Variants in EPS15 observed in about 807,000 individuals in gnomAD.
EPS15 encodes the protein epidermal growth factor receptor substrate 15.
In EPS15, 72 loss-of-function variants were observed where a neutral mutation model predicts 113.8. That is an observed-to-expected ratio of 0.63 (90% CI 0.52 to 0.77). The LOEUF (loss-of-function observed/expected upper bound fraction) is 0.77, where lower values mean the gene tolerates loss of function less well. Among genes scored for constraint, EPS15 ranks in the 30% least tolerant of loss-of-function variants. EPS15 has a pLI of 0.00. For synonymous variants in EPS15, 344 were observed against 363.4 expected, an observed-to-expected ratio of 0.95 and a Z score of 0.61; for missense variants, 1,048 against 1,045.8, an observed-to-expected ratio of 1.00 and a Z score of -0.03.
chr1:51,404,173 C>T (rs1648868666), intron 16 of EPS15, among the ~76,000 whole-genome samples: 6 of 152,134 alleles, frequency 3.9e-5, no homozygotes, highest in Admixed American at 6.5e-5. Context: ...GGTGAAACCC[C>T]GTCTCTACTA....
At chr1:51,395,144 G>C (rs918445013) in intron 20 of EPS15, among the ~76,000 whole-genome samples, 9 of 152,156 alleles carry the variant, frequency 5.9e-5, no homozygotes, top group African/African-American at 2.2e-4. Context: ...TTAGGTGGCA[G>C]CCACCACTAA....
At chr1:51,504,532 C>CTAGAA (rs200479561) in intron 1 of EPS15, among the ~76,000 whole-genome samples, 1,705 of 152,202 alleles carry the variant, frequency 0.011, 33 homozygotes, top group African/African-American at 0.038. Flanking sequence ...GGACTTCTAT[C>CTAGAA]TAGAATACAT....
At chr1:51,451,058 G>A (rs1653503398) in intron 8 of EPS15, among the ~76,000 whole-genome samples, 1 of 151,800 alleles carries the variant, frequency 6.6e-6, no homozygotes, top group African/African-American at 2.4e-5. Context: ...AAGAATCATG[G>A]AGCTCTCATA....
At chr1:51,503,380 A>G (rs1201365199) in intron 1 of EPS15, among the ~76,000 whole-genome samples, 1 of 152,232 alleles carries the variant, frequency 6.6e-6, no homozygotes, top group East Asian at 1.9e-4. Flanking sequence ...TCATGCCTGT[A>G]ATCCCAGCAC....
intron 13 of EPS15, among the ~76,000 whole-genome samples, chr1:51,413,032 A>C (rs576717965): frequency 3.9e-5 from 6 of 152,222 alleles, no homozygotes; most frequent in African/African-American, 1.4e-4. Context: ...ACACATTAAA[A>C]CCTTCAGTTC....
chr1:51,370,836 C>A (rs1646630988), intron 21 of EPS15, among the ~76,000 whole-genome samples: 1 of 152,042 alleles, frequency 6.6e-6, no homozygotes, highest in African/African-American at 2.4e-5. Flanking sequence ...CCAGGCTGGT[C>A]TCGAACTCCT....
Position 51,405,990 on chromosome 1 carries a change from G to A in EPS15, c.1592C>T (p.Thr531Ile), listed in dbSNP as rs924000944. The A allele has an allele frequency of 3.7e-6, 6 of 1,614,148 alleles. No homozygotes were observed. Among genetic ancestry groups the A allele is most frequent in the Non-Finnish European group, 5.1e-6 (6 of 1,180,008 alleles). ...AAGGTTGGCTGTTTCACTGCTGCTG[G>A]TGCTGAGGCTGCAATAATCTGTAGC... ...NGATDYCSLSTSSSETANLNE... is the reference protein window; with the variant it reads ...NGATDYCSLSISSSETANLNE... The change falls in exon 16 of 25, where the codon ACC (threonine) becomes ATC (isoleucine). Residue 531 changes from threonine (T) to isoleucine (I), a missense_variant. Physicochemically the swap from Thr to Ile is moderately conservative, Grantham distance 89 (BLOSUM62 -1). Transcript: ENST00000371733.
intron 2 of EPS15, among the ~76,000 whole-genome samples, chr1:51,474,163 C>A (rs1655436523): frequency 6.6e-6 from 1 of 152,204 alleles, no homozygotes. Flanking sequence ...TAGTCTTTGT[C>A]ATCTACAGGC....
rs920820831 is a variant in EPS15 at position 51,403,532 on chromosome 1, C to A, written c.1678G>T (p.Ala560Ser). The A allele has an allele frequency of 2.4e-5, 37 of 1,539,932 alleles. No individual in the cohort carries two copies. The Middle Eastern group carries it at 6.8e-4, about 28-fold the overall frequency. The change falls in exon 17 of 25, where the codon GCA becomes TCA. Residue 560 changes from alanine to serine, a missense_variant and splice_region_variant. Transcript: ENST00000371733. ...GGCAGTAGTTCAGGACTACTTCTTG[C>A]CTACAAAATATTAATGCAAGTAGAT... Reference protein sequence around the residue: ...ESEPIHQESPARSSPELLPSG... With the variant: ...ESEPIHQESPSRSSPELLPSG...
Position 51,365,986 on chromosome 1 carries a change from T to G in EPS15, c.2163A>C (p.Gly721=), listed in dbSNP as rs916870498. 4 of 1,612,928 alleles carry G rather than the reference T, an allele frequency of 2.5e-6. No homozygotes were observed. Among genetic ancestry groups the G allele is most frequent in the Non-Finnish European group, 3.4e-6 (4 of 1,179,410 alleles). ...FASVFGNESF[G]GGFADFSTLS... ...ATGTGCTGAAGTCAGCAAATCCACC[T>G]CCAAATGATTCATTCCCAAAAACAG... The change falls in exon 22 of 25, where the codon GGA becomes GGC. Residue 721 remains glycine (G), a synonymous_variant. Transcript: ENST00000371733.
intron 1 of EPS15, among the ~76,000 whole-genome samples, chr1:51,510,134 G>C (rs6669112): frequency 0.063 from 9,617 of 152,222 alleles, 973 homozygotes; most frequent in African/African-American, 0.21. Flanking sequence ...CACATGACAC[G>C]TAAGTGTGCT....
chr1:51,442,613 A>C (rs947199725), intron 11 of EPS15, among the ~76,000 whole-genome samples: 3 of 152,226 alleles, frequency 2.0e-5, no homozygotes, highest in Non-Finnish European at 2.9e-5. Context: ...GCATTACACA[A>C]AAATTCTACT....
intron 11 of EPS15, among the ~76,000 whole-genome samples, chr1:51,444,599 AACTT>A (rs1195217366): frequency 2.6e-5 from 4 of 152,220 alleles, no homozygotes; most frequent in Admixed American, 2.0e-4. Flanking sequence ...CTATTCATAA[AACTT>A]AATTCACAAA....
chr1:51,488,490 A>AAAC (rs749521193), intron 1 of EPS15, among the ~76,000 whole-genome samples: 4,388 of 150,354 alleles, frequency 0.029, 96 homozygotes, highest in Non-Finnish European at 0.047. Flanking sequence ...AAAAAAAAAA[A>AAAC]AAAAAACTCA....
intron 1 of EPS15, among the ~76,000 whole-genome samples, chr1:51,508,322 G>GAGAA (rs1553139545): frequency 2.4e-3 from 305 of 128,840 alleles, no homozygotes; most frequent in African/African-American, 0.011. Context: ...AAGAGAGAAA[G>GAGAA]AGAGAAAGAG....
At chr1:51,485,954 C>A (rs1394550332) in intron 1 of EPS15, among the ~76,000 whole-genome samples, 1 of 151,840 alleles carries the variant, frequency 6.6e-6, no homozygotes, top group Admixed American at 6.6e-5. Flanking sequence ...CCCGCCACCA[C>A]ATCCAGCTAA....
chr1:51,417,840 CA>C (rs1437279992), intron 13 of EPS15, among the ~76,000 whole-genome samples: 1 of 152,028 alleles, frequency 6.6e-6, no homozygotes, highest in Non-Finnish European at 1.5e-5. Context: ...GTCAGACAGT[CA>C]AAAAAGAGGA....
intron 13 of EPS15, among the ~76,000 whole-genome samples, chr1:51,419,419 A>G (rs1227093335): frequency 6.6e-6 from 1 of 152,156 alleles, no homozygotes; most frequent in Non-Finnish European, 1.5e-5. Flanking sequence ...AAAAAATTAA[A>G]GCTTTTGGCT....
At chr1:51,360,177 G>C (rs903942836) in intron 24 of EPS15, among the ~76,000 whole-genome samples, 8 of 152,112 alleles carry the variant, frequency 5.3e-5, no homozygotes, top group Non-Finnish European at 1.5e-5. Flanking sequence ...ACACTGAGGA[G>C]GGAAATATTA....
Sources: allele counts gnomAD v4.1 joint callset (sites outside exome capture counted in the v4.1 genomes callset), GRCh38; gene constraint gnomAD v4.1.1; transcripts MANE v1.5; gene names NCBI Gene and HGNC (gene_info 2026-07-23, HGNC 2026-07-21).